Variants in KCNIP4 observed in about 807,000 individuals in gnomAD.
KCNIP4 encodes Kv channel-interacting protein 4.
A neutral mutation model predicts 34.0 loss-of-function variants in KCNIP4; 12 were observed. The ratio of observed to expected loss-of-function variants is 0.35; its 90% CI spans 0.23 to 0.57. The LOEUF (loss-of-function observed/expected upper bound fraction) is 0.57, where lower values mean the gene tolerates loss of function less well. Ranked by LOEUF, KCNIP4 falls within the 20% of genes least tolerant of loss-of-function variation. The probability of loss-of-function intolerance (pLI) is 0.83; values close to 1 mark genes in which losing one functional copy is unlikely to be tolerated. For synonymous variants in KCNIP4, 124 were observed against 102.2 expected (o/e 1.21, Z -1.29); for missense variants, 238 against 311.7 (o/e 0.76, Z 1.78).
At chr4:21,260,190 C>A (rs1014964777) in intron 1 of KCNIP4, among the ~76,000 whole-genome samples, 23 of 152,038 alleles carry the variant, frequency 1.5e-4, no homozygotes, top group Non-Finnish European at 3.1e-4. Flanking sequence ...TGGCTTTAAG[C>A]GGCTATGCCT....
chr4:21,510,702 G>A (rs1025623876), intron 1 of KCNIP4, among the ~76,000 whole-genome samples: 5 of 151,750 alleles, frequency 3.3e-5, no homozygotes, highest in African/African-American at 1.2e-4. Context: ...TTTTTATTTG[G>A]AACTTTAAGT....
At chr4:21,897,899 C>G (rs1342846894) in intron 1 of KCNIP4, among the ~76,000 whole-genome samples, 1 of 152,182 alleles carries the variant, frequency 6.6e-6, no homozygotes, top group Non-Finnish European at 1.5e-5. Flanking sequence ...CTACACCACT[C>G]CATCACCATC....
chr4:21,243,576 A>G (rs144134404), intron 1 of KCNIP4, among the ~76,000 whole-genome samples: 3,206 of 152,236 alleles, frequency 0.021, 53 homozygotes, highest in Non-Finnish European at 0.03. Context: ...ACTTTAATCT[A>G]TCGTATCAAC....
At chr4:20,890,008 G>GA (rs1314813606) in intron 1 of KCNIP4, among the ~76,000 whole-genome samples, 3 of 151,826 alleles carry the variant, frequency 2.0e-5, no homozygotes, top group East Asian at 3.9e-4. Context: ...TGGCTACATA[G>GA]AAAAAAAATC....
rs577294577 is a variant in KCNIP4, at chr4:21,774,756, G to A, written c.61+173815C>T. Among the ~76,000 whole-genome samples, 76 of 152,226 alleles carry A rather than the reference G, an allele frequency of 5.0e-4. 1 individual carries two copies. In the Middle Eastern group the frequency reaches 0.014, roughly 27 times the overall value. On this transcript the variant is annotated intron_variant, in intron 1 of 8. Coordinates refer to ENST00000382152, the MANE Select transcript of KCNIP4 (RefSeq NM_025221.6). ...AATTCATCTGTTCACACTTGTGTAT[G>A]CTTCATGAAGTTTTCATGCTGTGTT...
chr4:20,985,926 G>T (rs1299022136), intron 1 of KCNIP4, among the ~76,000 whole-genome samples: 2 of 152,090 alleles, frequency 1.3e-5, no homozygotes, highest in African/African-American at 2.4e-5. Context: ...CCTTACCCTT[G>T]CTTGCTCCAT....
At chr4:21,623,325 A>G (rs1011272123) in intron 1 of KCNIP4, among the ~76,000 whole-genome samples, 1 of 152,212 alleles carries the variant, frequency 6.6e-6, no homozygotes, top group Non-Finnish European at 1.5e-5. Context: ...ATTACTAAAC[A>G]TAAGATATGC....
At chr4:21,671,125 C>T (rs550008691) in intron 1 of KCNIP4, among the ~76,000 whole-genome samples, 85 of 152,016 alleles carry the variant, frequency 5.6e-4, no homozygotes, top group African/African-American at 1.9e-3. Flanking sequence ...AGTGTTCAGC[C>T]GACTTTGATT....
intron 1 of KCNIP4, among the ~76,000 whole-genome samples, chr4:21,363,978 G>T (rs1485187436): frequency 6.6e-6 from 1 of 152,086 alleles, no homozygotes; most frequent in East Asian, 1.9e-4. Flanking sequence ...ATGAGTGTTT[G>T]GGTTTTGGTG....
intron 3 of KCNIP4, among the ~76,000 whole-genome samples, chr4:20,830,892 G>C (rs1252293851): frequency 2.0e-5 from 3 of 152,136 alleles, no homozygotes; most frequent in Non-Finnish European, 4.4e-5. Context: ...AGGCAGTTTG[G>C]AATAGTAGAA....
intron 3 of KCNIP4, among the ~76,000 whole-genome samples, chr4:20,782,496 T>A (rs1348384534): frequency 1.3e-5 from 2 of 152,112 alleles, no homozygotes; most frequent in African/African-American, 4.8e-5. Context: ...CAAACCCAAA[T>A]TCTTGTCTTC....
chr4:21,107,215 T>A (rs1387406202), intron 1 of KCNIP4, among the ~76,000 whole-genome samples: 3 of 146,856 alleles, frequency 2.0e-5, no homozygotes, highest in Admixed American at 6.7e-5. Context: ...GTCTCCCATT[T>A]TTATTGTGTG....
intron 1 of KCNIP4, among the ~76,000 whole-genome samples, chr4:21,635,952 T>C (rs1198511567): frequency 2.6e-5 from 4 of 151,816 alleles, no homozygotes; most frequent in Non-Finnish European, 5.9e-5. Context: ...TGGAATACTA[T>C]GCAGCCATAA....
rs11444057 is a variant in KCNIP4 at position 21,738,092 on chromosome 4, A to AAAATAAAT, written c.61+210471_61+210478dup. On this transcript the variant is annotated intron_variant, in intron 1 of 8. Coordinates refer to ENST00000382152, the MANE Select transcript of KCNIP4 (RefSeq NM_025221.6). ...GGGCGACAGAGCGAGACTCCATCTC[A>AAAATAAAT]AAATAAATAAATAAATAAATAAATA... Among the ~76,000 whole-genome samples the AAAATAAAT allele has an allele frequency of 7.9e-3, 1,126 of 142,256 alleles. 10 individuals carry two copies. The highest frequency in any genetic ancestry group is 0.022 in the South Asian group (97 of 4,466). The allele number at this position is 142,256 out of a possible 152,430, so 93.3% of individuals were successfully genotyped here.
Position 20,729,025 on chromosome 4 carries a change from G to A in KCNIP4, c.*1057C>T, listed in dbSNP as rs1746956446. On this transcript the variant is annotated 3_prime_UTR_variant, in exon 9 of 9. Transcript: ENST00000382152. ...TCTTGGTAGTAGTTGTCAATGTAAT[G>A]GAACCACTGGTGCTTTCAAAGTGAA... The A allele has an allele frequency of 6.6e-6, 1 of 152,202 alleles. No homozygotes were observed. Among genetic ancestry groups the A allele is most frequent in the South Asian group, 2.1e-4 (1 of 4,790 alleles). The allele number at this position is 152,202 out of a possible 1,614,324, so 9.4% of individuals were successfully genotyped here. A position where few individuals can be genotyped will look rare whatever the true frequency, so the allele number is the denominator to read the frequency against.
intron 1 of KCNIP4, among the ~76,000 whole-genome samples, chr4:20,903,581 A>G (rs1290038755): frequency 1.3e-5 from 2 of 152,132 alleles, no homozygotes; most frequent in African/African-American, 2.4e-5. Flanking sequence ...AAATTTACCT[A>G]TAGCCTGAAG....
intron 3 of KCNIP4, among the ~76,000 whole-genome samples, chr4:20,762,805 C>G (rs943565208): frequency 2.0e-5 from 3 of 152,152 alleles, no homozygotes; most frequent in African/African-American, 7.2e-5. Flanking sequence ...TTCATTTCCA[C>G]ACTGCTATAA....
chr4:21,756,298 G>A (rs1717519866), intron 1 of KCNIP4, among the ~76,000 whole-genome samples: 1 of 152,140 alleles, frequency 6.6e-6, no homozygotes, highest in Admixed American at 6.5e-5. Context: ...GCTTACGCCT[G>A]TAATCCCACC....
At chr4:21,753,518 G>T (rs892587066) in intron 1 of KCNIP4, among the ~76,000 whole-genome samples, 4 of 152,134 alleles carry the variant, frequency 2.6e-5, no homozygotes, top group African/African-American at 9.7e-5. Flanking sequence ...AAAGAAAAGA[G>T]AATTCTTCCT....
Sources: gnomAD v4.1 joint callset for allele counts (sites outside exome capture counted in the v4.1 genomes callset) on GRCh38, gnomAD v4.1.1 for gene constraint, MANE v1.5 for transcripts, NCBI Gene and HGNC (gene_info 2026-07-23, HGNC 2026-07-21) for gene names.